PARL: variants seen among roughly 807,000 people sequenced by gnomAD.
The protein encoded by PARL is presenilin-associated rhomboid-like protein, mitochondrial.
A neutral mutation model predicts 51.6 loss-of-function variants in PARL; 44 were observed. That is an observed-to-expected ratio of 0.85 (90% CI 0.67 to 1.10). The LOEUF is 1.10. Among genes scored for constraint, PARL ranks in the 50% least tolerant of loss-of-function variants. The probability of loss-of-function intolerance (pLI) is 0.00; values close to 1 mark genes in which losing one functional copy is unlikely to be tolerated. For synonymous variants in PARL, 172 were observed against 164.0 expected, an observed-to-expected ratio of 1.05 and a Z score of -0.37; for missense variants, 441 against 469.5, an observed-to-expected ratio of 0.94 and a Z score of 0.56.
intron 1 of PARL, chr3:183,883,539 G>C (rs1214045677): frequency 4.2e-6 from 4 of 946,672 alleles, no homozygotes; most frequent in African/African-American, 1.8e-5. Flanking sequence ...CAAAGTGCTA[G>C]GATTACAGGC....
intron 7 of PARL, among the ~76,000 whole-genome samples, chr3:183,835,454 A>C (rs528490046): frequency 1.0e-3 from 155 of 152,330 alleles, no homozygotes; most frequent in African/African-American, 3.6e-3. Flanking sequence ...CAGGGAAACA[A>C]GCTCGGGTTG....
chr3:183,848,218 G>C (rs1304701676), intron 4 of PARL, among the ~76,000 whole-genome samples: 1 of 152,216 alleles, frequency 6.6e-6, no homozygotes, highest in Non-Finnish European at 1.5e-5. Flanking sequence ...AAAACACCTA[G>C]CTTTGCAGCG....
chr3:183,837,057 G>T (rs1309935575), intron 7 of PARL, among the ~76,000 whole-genome samples: 1 of 152,048 alleles, frequency 6.6e-6, no homozygotes, highest in African/African-American at 2.4e-5. Context: ...ACATTTTTCT[G>T]TATCTATATA....
intron 3 of PARL, 55 bp downstream of exon 3, chr3:183,866,570 T>C (rs1271101401): frequency 1.4e-6 from 2 of 1,415,538 alleles, no homozygotes; most frequent in Non-Finnish European, 2.0e-6. Context: ...CTATTAAGTA[T>C]CAGTTTTTTA....
chr3:183,876,652 A>T (rs113384868), intron 1 of PARL, among the ~76,000 whole-genome samples: 4,180 of 46,954 alleles, frequency 0.089, 188 homozygotes, highest in African/African-American at 0.3. Context: ...AAAGAAAAAG[A>T]AAGAAAGAAA....
intron 1 of PARL, among the ~76,000 whole-genome samples, chr3:183,879,928 G>C (rs952719245): frequency 7.2e-6 from 1 of 138,576 alleles, no homozygotes; most frequent in Non-Finnish European, 1.5e-5. Flanking sequence ...ACAGGGTTTC[G>C]CCATATTGGC....
rs1479080203 is a variant in PARL, at chr3:183,884,787, C to G, written c.60G>C (p.Ser20=). ...GWGCGQAWGA[S]VGGRSCEELT... is the part of the protein sequence containing the mutation. ...GCTCCTCGCAGCTGCGGCCGCCCACCGACGCACCCCACGCCTGGCCGCAGC... is the reference window on the plus strand; with the variant it reads ...GCTCCTCGCAGCTGCGGCCGCCCACGGACGCACCCCACGCCTGGCCGCAGC... The change falls in exon 1 of 10, where the codon TCG becomes TCC. Residue 20 remains serine (S), a synonymous_variant. Transcript: ENST00000317096. 3 of 1,591,734 alleles carry G rather than the reference C, an allele frequency of 1.9e-6. No individual in the cohort carries two copies. Among genetic ancestry groups the G allele is most frequent in the Admixed American group, 1.7e-5 (1 of 58,864 alleles).
At chr3:183,873,974 T>C (rs1733505239) in intron 1 of PARL, among the ~76,000 whole-genome samples, 1 of 152,180 alleles carries the variant, frequency 6.6e-6, no homozygotes, top group Non-Finnish European at 1.5e-5. Context: ...TACCTCGATT[T>C]ATTGTACTTC....
At chr3:183,854,198 C>T (rs1464402594) in intron 4 of PARL, among the ~76,000 whole-genome samples, 14 of 152,266 alleles carry the variant, frequency 9.2e-5, no homozygotes, top group East Asian at 1.9e-4. Context: ...GCTGAGATCA[C>T]GCCACTGCAC....
intron 1 of PARL, among the ~76,000 whole-genome samples, chr3:183,871,187 G>A (rs916193759): frequency 1.3e-5 from 2 of 151,860 alleles, no homozygotes; most frequent in African/African-American, 4.8e-5. Context: ...AAAGTAAGGT[G>A]GTACTATACT....
At chr3:183,847,081 T>C (rs1045490940) in intron 4 of PARL, among the ~76,000 whole-genome samples, 1 of 152,208 alleles carries the variant, frequency 6.6e-6, no homozygotes, top group Non-Finnish European at 1.5e-5. Context: ...CAGAAGCGGA[T>C]GAGCATGAGA....
At chr3:183,833,386 T>C (rs754993306) in intron 9 of PARL, 106 bp downstream of exon 9, 19 of 766,710 alleles carry the variant, frequency 2.5e-5, no homozygotes, top group Non-Finnish European at 3.1e-5. Flanking sequence ...TTCCGTTGCA[T>C]AGTTCAATGT....
At chr3:183,837,348 T>C (rs759798658) in intron 7 of PARL, among the ~76,000 whole-genome samples, 2 of 152,152 alleles carry the variant, frequency 1.3e-5, no homozygotes, top group African/African-American at 4.8e-5. Context: ...CAAAAAAAGA[T>C]AGCCTAGCAA....
chr3:183,840,382 T>C (rs997760849), intron 7 of PARL, among the ~76,000 whole-genome samples, 188 bp downstream of exon 7: 1 of 152,210 alleles, frequency 6.6e-6, no homozygotes, highest in African/African-American at 2.4e-5. Flanking sequence ...GCTTTACAAA[T>C]GTATAAATTC....
At chr3:183,838,923 T>C (rs1263769765) in intron 7 of PARL, among the ~76,000 whole-genome samples, 1 of 152,180 alleles carries the variant, frequency 6.6e-6, no homozygotes, top group Admixed American at 6.5e-5. Context: ...CCTTTCAGTG[T>C]GTATTAGATG....
intron 1 of PARL, among the ~76,000 whole-genome samples, chr3:183,869,616 A>G (rs1732944139): frequency 6.6e-6 from 1 of 152,034 alleles, no homozygotes; most frequent in Non-Finnish European, 1.5e-5. Flanking sequence ...TATATAACGA[A>G]CAATATTCAG....
intron 5 of PARL, among the ~76,000 whole-genome samples, chr3:183,843,758 G>A (rs1220243445): frequency 6.6e-6 from 1 of 152,150 alleles, no homozygotes; most frequent in African/African-American, 2.4e-5. Flanking sequence ...ATGAACCCGG[G>A]AGGCGGAGCT....
chr3:183,866,904 G>T (rs913164211), intron 2 of PARL, 139 bp from the exon 3 acceptor site: 10 of 667,028 alleles, frequency 1.5e-5, no homozygotes, highest in Non-Finnish European at 2.6e-5. Flanking sequence ...AACCTAATAA[G>T]TGAAAAGGGC....
intron 4 of PARL, among the ~76,000 whole-genome samples, chr3:183,854,678 C>A (rs1730933702): frequency 1.3e-5 from 2 of 148,842 alleles, no homozygotes; most frequent in South Asian, 4.2e-4. Context: ...TGTGAATATA[C>A]TGAACTCTAC....
Sources: allele counts gnomAD v4.1 joint callset (sites outside exome capture counted in the v4.1 genomes callset), GRCh38; gene constraint gnomAD v4.1.1; transcripts MANE v1.5; gene names NCBI Gene and HGNC (gene_info 2026-07-23, HGNC 2026-07-21).